Variants in MAMDC2 observed in about 807,000 individuals in gnomAD.
MAMDC2 encodes MAM domain containing 2, also known as MAM domain-containing protein 2.
A neutral mutation model predicts 89.8 loss-of-function variants in MAMDC2; 57 were observed. The ratio of observed to expected loss-of-function variants is 0.63; its 90% CI spans 0.51 to 0.79. The LOEUF (loss-of-function observed/expected upper bound fraction) is 0.79, where lower values mean the gene tolerates loss of function less well. MAMDC2 is among the 30% of genes least tolerant of loss of function. The probability of loss-of-function intolerance (pLI) is 0.00; values close to 1 mark genes in which losing one functional copy is unlikely to be tolerated. For missense variants in MAMDC2, 800 were observed against 820.6 expected, an observed-to-expected ratio of 0.97 and a Z score of 0.31; for synonymous variants, 313 against 293.4, an observed-to-expected ratio of 1.07 and a Z score of -0.68.
chr9:70,082,240 A>G (rs2118134429), intron 2 of MAMDC2, among the ~76,000 whole-genome samples: 1 of 152,260 alleles, frequency 6.6e-6, no homozygotes, highest in East Asian at 1.9e-4. Flanking sequence ...ATAAATAAAT[A>G]AATAAATGAT....
At chr9:70,189,422 TATA>T (rs2032830929) in intron 11 of MAMDC2, among the ~76,000 whole-genome samples, 1 of 152,180 alleles carries the variant, frequency 6.6e-6, no homozygotes, top group African/African-American at 2.4e-5. Flanking sequence ...TTCTCTTGTA[TATA>T]ATGAGTCACT....
intron 11 of MAMDC2, among the ~76,000 whole-genome samples, chr9:70,199,541 T>C (rs1053239389): frequency 9.8e-5 from 14 of 142,502 alleles, no homozygotes; most frequent in African/African-American, 2.6e-4. Flanking sequence ...AGCAGCATGA[T>C]TTATAGTCAT....
At chr9:70,119,707 A>C (rs928216210) in intron 5 of MAMDC2, among the ~76,000 whole-genome samples, 1 of 152,200 alleles carries the variant, frequency 6.6e-6, no homozygotes, top group African/African-American at 2.4e-5. Flanking sequence ...GTAGAGAGAA[A>C]GGTTTGTGCT....
At chr9:70,166,272 TATATACACACAC>T (rs1268285480) in intron 9 of MAMDC2, among the ~76,000 whole-genome samples, 1 of 49,860 alleles carries the variant, frequency 2.0e-5, no homozygotes, top group African/African-American at 5.1e-5. Context: ...AATATATATA[TATATACACACAC>T]ACACACACAC....
At chr9:70,206,008 G>A (rs1927093) in intron 11 of MAMDC2, among the ~76,000 whole-genome samples, 119,230 of 152,144 alleles carry the variant, frequency 0.78, 46,859 homozygotes, top group Admixed American at 0.83. Flanking sequence ...TCATCAAAAC[G>A]AATGACTGGT....
intron 11 of MAMDC2, among the ~76,000 whole-genome samples, chr9:70,200,825 G>GA (rs1470422292): frequency 6.7e-6 from 1 of 150,314 alleles, no homozygotes; most frequent in Non-Finnish European, 1.5e-5. Flanking sequence ...TTGTGAATGG[G>GA]AGTTCACTCA....
intron 5 of MAMDC2, among the ~76,000 whole-genome samples, chr9:70,117,839 C>T (rs1587486598): frequency 6.6e-6 from 1 of 152,168 alleles, no homozygotes; most frequent in Admixed American, 6.5e-5. Context: ...TAGTTCTGTG[C>T]TCATGTACAT....
At chr9:70,093,078 T>C (rs141105737) in intron 2 of MAMDC2, among the ~76,000 whole-genome samples, 22 of 152,194 alleles carry the variant, frequency 1.4e-4, no homozygotes, top group African/African-American at 4.1e-4. Context: ...TATGTATATA[T>C]GTGTGTGTGT....
At chr9:70,092,876 G>GT (rs1479805916) in intron 2 of MAMDC2, 5 of 152,026 alleles carry the variant, frequency 3.3e-5, no homozygotes, top group African/African-American at 1.2e-4. Flanking sequence ...TCCCACCATC[G>GT]TAAGTCATAT....
intron 7 of MAMDC2, among the ~76,000 whole-genome samples, chr9:70,137,391 A>C (rs967522608): frequency 1.3e-5 from 2 of 152,210 alleles, no homozygotes; most frequent in African/African-American, 4.8e-5. Context: ...ACTATAGGAT[A>C]ATTACGGAGT....
rs1371225155 is a variant in MAMDC2, at chr9:70,140,249, C to G, written c.1099C>G (p.Pro367Ala). The G allele has an allele frequency of 6.2e-7, 1 of 1,601,314 alleles. No individual in the cohort carries two copies. The highest frequency in any genetic ancestry group is 8.5e-7 in the Non-Finnish European group (1 of 1,175,614). ...GPGWTRVKVK[P>A]NMYRAGDHTT... The stretch of plus-strand genomic sequence containing the variant: ...AGGTTGGACCCGAGTGAAAGTAAAA[C>G]CAAACATGTATCGGGCTGGAGACCA... The change falls in exon 8 of 14, where the codon CCA (proline) becomes GCA (alanine). Residue 367 changes from proline (P) to alanine (A), a missense_variant. Transcript: ENST00000377182.
At chr9:70,204,637 G>C (rs868188640) in intron 11 of MAMDC2, among the ~76,000 whole-genome samples, 4 of 151,592 alleles carry the variant, frequency 2.6e-5, no homozygotes, top group Non-Finnish European at 5.9e-5. Context: ...GGGCAATGGC[G>C]GGCGCCCCTC....
In MAMDC2 at chr9:70,130,006, TTC is replaced by T. The variant is rs994466180; in HGVS notation, c.901-1511_901-1510del. Among the ~76,000 whole-genome samples, 585 of 70,592 alleles carry T rather than the reference TTC, an allele frequency of 8.3e-3. 5 individuals are homozygous for T. Among genetic ancestry groups the T allele is most frequent in the African/African-American group, 0.03 (552 of 18,336 alleles). 46.3% of individuals were successfully genotyped at this position (70,592 alleles called of 152,430 possible). ...TCTCTGCCTTCATTTTCACATGGCA[TTC>T]TGTGTGTGTGTGTGTGTGTGTGTGT... On this transcript the variant is annotated intron_variant, in intron 6 of 13. Coordinates refer to ENST00000377182, the MANE Select transcript of MAMDC2 (RefSeq NM_153267.5).
intron 5 of MAMDC2, among the ~76,000 whole-genome samples, chr9:70,117,739 G>A (rs4744979): frequency 0.16 from 23,686 of 152,056 alleles, 1,855 homozygotes; most frequent in East Asian, 0.18. Flanking sequence ...GGACACAAAG[G>A]TGATATGTGG....
chr9:70,143,469 C>T, intron 8 of MAMDC2, 85 bp from the exon 9 acceptor site: 1 of 1,450,674 alleles, frequency 6.9e-7, no homozygotes, highest in Non-Finnish European at 9.4e-7. Flanking sequence ...TCTTTGCTGT[C>T]TAGTTCTACT....
chr9:70,081,720 G>T (rs1171395045), intron 2 of MAMDC2: 1 of 152,116 alleles, frequency 6.6e-6, no homozygotes, highest in Admixed American at 6.5e-5. Context: ...GTCTTCGAGA[G>T]ACTTTTAACC....
intron 3 of MAMDC2, 103 bp downstream of exon 3, chr9:70,108,585 A>C (rs1446362474): frequency 4.0e-6 from 4 of 993,600 alleles, no homozygotes; most frequent in Non-Finnish European, 5.7e-6. Context: ...TATCTCCTGG[A>C]TTATGACGTG....
chr9:70,190,359 C>T (rs2032852924), intron 11 of MAMDC2, among the ~76,000 whole-genome samples: 1 of 152,168 alleles, frequency 6.6e-6, no homozygotes, highest in African/African-American at 2.4e-5. Flanking sequence ...GTTAGCTTAA[C>T]AGTCAACTAA....
chr9:70,119,099 T>C (rs1021849928), intron 5 of MAMDC2, among the ~76,000 whole-genome samples: 6 of 151,584 alleles, frequency 4.0e-5, no homozygotes, highest in Non-Finnish European at 7.4e-5. Flanking sequence ...TTTCTTTCTT[T>C]ATTCATATTT....
Sources: gnomAD v4.1 joint callset for allele counts (sites outside exome capture counted in the v4.1 genomes callset) on GRCh38, gnomAD v4.1.1 for gene constraint, MANE v1.5 for transcripts, NCBI Gene and HGNC (gene_info 2026-07-23, HGNC 2026-07-21) for gene names.